Variants in C1S observed in about 807,000 individuals in gnomAD.
The protein encoded by C1S is complement C1s, also known as complement C1s subcomponent.
In C1S, 31 loss-of-function variants were observed where a neutral mutation model predicts 54.0. The observed-to-expected ratio is 0.57, with a 90% CI of 0.43 to 0.78. C1S has a LOEUF of 0.78. Ranked by LOEUF, C1S falls within the 30% of genes least tolerant of loss-of-function variation. C1S has a pLI of 0.00. For synonymous variants in C1S, 292 were observed against 303.6 expected, an observed-to-expected ratio of 0.96 and a Z score of 0.40; for missense variants, 727 against 851.8, an observed-to-expected ratio of 0.85 and a Z score of 1.82.
chr12:7,061,835 T>G lies in C1S; in HGVS notation c.-74-4T>G. ...CAAATACAGCCAGGCCTGCCACCCC[T>G]TAGGCTCCAAAGTCCGGAGGTGCAG... On this transcript the variant is annotated splice_region_variant and splice_polypyrimidine_tract_variant and intron_variant, in intron 1 of 11. Transcript: ENST00000360817. 1 of 1,562,932 alleles carries G rather than the reference T, an allele frequency of 6.4e-7. No homozygotes were observed. The highest frequency in any genetic ancestry group is 8.8e-7 in the Non-Finnish European group (1 of 1,133,784).
intron 10 of C1S, among the ~76,000 whole-genome samples, chr12:7,068,041 C>T (rs1246736524): frequency 6.6e-6 from 1 of 152,194 alleles, no homozygotes; most frequent in Non-Finnish European, 1.5e-5. Flanking sequence ...TGGGATTACC[C>T]ACCTTTTGAC....
chr12:7,066,398 A>G, intron 7 of C1S, 120 bp from the exon 8 acceptor site: 1 of 724,612 alleles, frequency 1.4e-6, no homozygotes, highest in South Asian at 1.5e-5. Flanking sequence ...TTGGAATGTT[A>G]AGCATCAGGA....
In C1S at chr12:7,067,749, C is replaced by T; in HGVS notation, c.1173C>T (p.Tyr391=). Residue 391 remains tyrosine, a synonymous_variant, in exon 10 of 12, where the codon TAC becomes TAT. Coordinates refer to ENST00000360817, the MANE Select transcript of C1S (RefSeq NM_001734.5). ...GCTACACTTGTGAGGAGCCATATTA[C>T]TACATGGAAAATGGAGGAGGTGGTA... The part of the protein sequence containing the change: ...VIRYTCEEPY[Y]YMENGGGGEY... The T allele has an allele frequency of 6.2e-7, 1 of 1,613,910 alleles. No individual in the cohort carries two copies. The highest frequency in any genetic ancestry group is 1.3e-5 in the African/African-American group (1 of 75,026).
rs1385825691 is a variant in C1S, at chr12:7,062,951, A to G, written c.275A>G (p.His92Arg). The G allele has an allele frequency of 6.2e-7, 1 of 1,613,482 alleles. No individual in the cohort carries two copies. The highest frequency in any genetic ancestry group is 8.5e-7 in the Non-Finnish European group (1 of 1,179,844). The change falls in exon 4 of 12, where the codon CAC (histidine) becomes CGC (arginine). Residue 92 changes from histidine (H) to arginine (R), a missense_variant. His to Arg is a conservative substitution (Grantham distance 29, BLOSUM62 0). Around this residue, in one of 3 missense-constraint regions of C1S, gnomAD observed 357 missense variants for 365.4 expected, o/e 0.98. Transcript: ENST00000360817. ...LCGQRSSNNP[H>R]SPIVEEFQVP... is the part of the protein sequence containing the mutation. ...GGACAGAGGAGCAGTAACAATCCCC[A>G]CTCTCCAATTGTGGAAGAGTTCCAA...
At chr12:7,066,655 TC>T (rs1555162308) in intron 8 of C1S, 22 bp downstream of exon 8, 3 of 1,381,734 alleles carry the variant, frequency 2.2e-6, no homozygotes, top group Non-Finnish European at 2.1e-6. Flanking sequence ...CCTTGGCTTC[TC>T]CCCAGTCCCT....
At chr12:7,063,869 A>G in intron 4 of C1S, 1 of 377,480 alleles carries the variant, frequency 2.6e-6, no homozygotes, top group Admixed American at 3.2e-5. Flanking sequence ...TACTAAAAAT[A>G]TGAAAAATTA....
intron 1 of C1S, chr12:7,061,610 GA>G: frequency 2.1e-6 from 1 of 479,970 alleles, no homozygotes; most frequent in African/African-American, 2.0e-5. Context: ...AAAATTAGGA[GA>G]AAGTCTAGAG....
At chr12:7,066,354 T>C (rs1937656020) in intron 7 of C1S, 164 bp from the exon 8 acceptor site, 1 of 690,448 alleles carries the variant, frequency 1.4e-6, no homozygotes, top group Non-Finnish European at 2.6e-6. Context: ...GGTGGTTAGT[T>C]GGTAATGCCA....
At chr12:7,066,091 G>A (rs1292036011) in intron 7 of C1S, 121 bp downstream of exon 7, 13 of 911,036 alleles carry the variant, frequency 1.4e-5, no homozygotes, top group African/African-American at 3.3e-5. Context: ...TACCGAGGGA[G>A]GCTGAGGCAG....
intron 8 of C1S, 174 bp downstream of exon 8, chr12:7,066,807 C>A: frequency 1.4e-6 from 1 of 708,094 alleles, no homozygotes; most frequent in South Asian, 1.5e-5. Flanking sequence ...AGCTGCCTGG[C>A]CAGCTTGGCA....
intron 2 of C1S, 186 bp downstream of exon 2, chr12:7,062,103 C>A: frequency 1.6e-6 from 1 of 609,410 alleles, no homozygotes; most frequent in Non-Finnish European, 2.9e-6. Context: ...GACCCTGTCT[C>A]TATTAAAAAA....
intron 5 of C1S, 91 bp from the exon 6 acceptor site, chr12:7,065,009 T>C: frequency 1.8e-6 from 2 of 1,130,188 alleles, no homozygotes; most frequent in Non-Finnish European, 2.7e-6. Flanking sequence ...TGCAGGACTG[T>C]CAGTTTCTGA....
chr12:7,068,777 T>C, intron 11 of C1S: 1 of 554,072 alleles, frequency 1.8e-6, no homozygotes, highest in South Asian at 2.1e-5. Context: ...TCTGGTAATG[T>C]AGCTGCAGTG....
intron 2 of C1S, 36 bp from the exon 3 acceptor site, chr12:7,062,439 C>T (rs1565619257): frequency 6.5e-7 from 1 of 1,540,348 alleles, no homozygotes; most frequent in Non-Finnish European, 9.0e-7. Flanking sequence ...CTACTGGTGC[C>T]TGGTCACCCG....
intron 9 of C1S, 112 bp from the exon 10 acceptor site, chr12:7,067,531 G>C: frequency 1.6e-6 from 2 of 1,223,578 alleles, no homozygotes; most frequent in Admixed American, 3.4e-5. Context: ...GTTCATCCCA[G>C]GTGTGCCTGT....
chr12:7,061,715 T>C, intron 1 of C1S, 124 bp from the exon 2 acceptor site: 1 of 687,050 alleles, frequency 1.5e-6, no homozygotes, highest in Non-Finnish European at 2.7e-6. Flanking sequence ...CATGTGGGGA[T>C]GTTGGTGATA....
rs1591575904 is a variant in C1S, at chr12:7,063,156, T to G, written c.391+89T>G. On this transcript the variant is annotated intron_variant, in intron 4 of 11. Transcript: ENST00000360817. ...ACTGAGCAACACATTGAATGAGGAT[T>G]CTGTTCGTAATTCTTATAAAAAGTG... is the stretch of plus-strand genomic sequence containing the variant. 6 of 1,259,376 alleles carry G rather than the reference T, an allele frequency of 4.8e-6. No individual in the cohort carries two copies. The East Asian group carries it at 1.4e-4, about 29-fold the overall frequency. The allele number at this position is 1,259,376 out of a possible 1,614,324, so 78.0% of individuals were successfully genotyped here.
chr12:7,062,811 A>G (rs1311260942), intron 3 of C1S, 79 bp from the exon 4 acceptor site: 13 of 1,550,492 alleles, frequency 8.4e-6, no homozygotes, highest in East Asian at 6.7e-5. Context: ...TAAATGTTCT[A>G]TTCTCTCTGT....
At chr12:7,066,304 G>A (rs1186210282) in intron 7 of C1S, 6 of 640,538 alleles carry the variant, frequency 9.4e-6, no homozygotes, top group Non-Finnish European at 1.4e-5. Context: ...TCAACCTCTA[G>A]TAATCCTTTA....
Sources: allele counts gnomAD v4.1 joint callset (sites outside exome capture counted in the v4.1 genomes callset), GRCh38; gene constraint gnomAD v4.1.1; regional missense constraint gnomAD v4.1.1; transcripts MANE v1.5; gene names NCBI Gene and HGNC (gene_info 2026-07-23, HGNC 2026-07-21).